The following SLC14A2 variants were observed in gnomAD, a reference collection of about 807,000 sequenced individuals.
The protein encoded by SLC14A2 is solute carrier family 14 member 2.
A neutral mutation model predicts 104.6 loss-of-function variants in SLC14A2; 91 were observed. The observed-to-expected ratio is 0.87, with a 90% CI of 0.73 to 1.04. The LOEUF is 1.04. SLC14A2 is among the 50% of genes least tolerant of loss of function. SLC14A2 has a pLI of 0.00. For missense variants in SLC14A2, 1,189 were observed against 1,156.0 expected, an observed-to-expected ratio of 1.03 and a Z score of -0.41; for synonymous variants, 476 against 466.4, an observed-to-expected ratio of 1.02 and a Z score of -0.27.
Position 45,513,081 on chromosome 18 carries a change from C to A in SLC14A2, c.-35+29759C>A, listed in dbSNP as rs140185707. The stretch of plus-strand genomic sequence containing the variant: ...CCCTATTCTGTGGCTGCACCACAGC[C>A]TCAGTGAAGCAGTATCCTGAGAGTT... On this transcript the variant is annotated intron_variant, in intron 2 of 20. Transcript: ENST00000586448. 4.6e-5 allele frequency among the ~76,000 whole-genome samples: 7 copies of A among 152,296 alleles called. No individual in the cohort carries two copies. The East Asian group carries it at 1.4e-3, about 29-fold the overall frequency.
the SLC14A2 span, among the ~76,000 whole-genome samples, chr18:45,192,530 C>T: frequency 3.3e-5 from 5 of 152,304 alleles, no homozygotes; most frequent in African/African-American, 7.2e-5. Context: ...TATATCCCCA[C>T]AGCAGTGTTT....
intron 2 of SLC14A2, among the ~76,000 whole-genome samples, chr18:45,538,475 A>T (rs764510815): frequency 6.6e-6 from 1 of 152,132 alleles, no homozygotes; most frequent in Non-Finnish European, 1.5e-5. Flanking sequence ...ATCCACTCCT[A>T]ATCTCATCAC....
chr18:45,540,300 G>A (rs886667217), intron 2 of SLC14A2, among the ~76,000 whole-genome samples: 4 of 152,066 alleles, frequency 2.6e-5, no homozygotes, highest in African/African-American at 9.7e-5. Context: ...CTCAGTTACT[G>A]GAGGACCTTC....
chr18:45,485,127 A>T (rs1166804136), intron 2 of SLC14A2: 3 of 152,200 alleles, frequency 2.0e-5, no homozygotes, highest in Non-Finnish European at 4.4e-5. Flanking sequence ...ATTCGCTATG[A>T]TCATATCTAT....
chr18:45,359,628 C>G (rs746407348), intron 1 of SLC14A2, among the ~76,000 whole-genome samples: 1 of 152,224 alleles, frequency 6.6e-6, no homozygotes, highest in Non-Finnish European at 1.5e-5. Context: ...TCACAGGCAT[C>G]TCAGAGCAGG....
intron 1 of SLC14A2, among the ~76,000 whole-genome samples, chr18:45,478,813 A>G (rs916377066): frequency 6.6e-6 from 1 of 152,170 alleles, no homozygotes; most frequent in Non-Finnish European, 1.5e-5. Flanking sequence ...GCCAAGACCA[A>G]TTAAAGTGGA....
the SLC14A2 span, among the ~76,000 whole-genome samples, chr18:45,168,041 CA>C: frequency 6.6e-6 from 1 of 152,164 alleles, no homozygotes; most frequent in Non-Finnish European, 1.5e-5. Context: ...GACAGAGAGC[CA>C]GTTTGTTAAA....
At chr18:45,341,640 G>A (rs559729282) in intron 1 of SLC14A2, among the ~76,000 whole-genome samples, 10 of 70,222 alleles carry the variant, frequency 1.4e-4, no homozygotes, top group Admixed American at 1.1e-3. Context: ...ACTTTTACTT[G>A]GCCACCTAGT....
At chr18:45,250,089 C>T (rs2144072909) in intron 1 of SLC14A2, among the ~76,000 whole-genome samples, 1 of 152,188 alleles carries the variant, frequency 6.6e-6, no homozygotes, top group South Asian at 2.1e-4. Context: ...AATGTGAACC[C>T]ACATGTGGAA....
chr18:45,218,355 A>C (rs2084029367), intron 1 of SLC14A2, among the ~76,000 whole-genome samples: 1 of 152,224 alleles, frequency 6.6e-6, no homozygotes, highest in Admixed American at 6.5e-5. Flanking sequence ...CTTCCTTTTC[A>C]AGGCTGAATA....
chr18:45,171,639 G>A, the SLC14A2 span, among the ~76,000 whole-genome samples: 884 of 152,202 alleles, frequency 5.8e-3, 7 homozygotes, highest in Non-Finnish European at 9.8e-3. Flanking sequence ...GATGAAAAAG[G>A]GACAGCCATA....
chr18:45,269,161 A>G (rs577783222), intron 1 of SLC14A2, among the ~76,000 whole-genome samples: 20 of 152,120 alleles, frequency 1.3e-4, no homozygotes, highest in South Asian at 4.2e-4. Flanking sequence ...CTCCCCTTTC[A>G]TTTTCACTGC....
At position 45,236,243 on chromosome 18, in the gene SLC14A2, G is replaced by GTGTGTATATATGTGTATATATACATGTA. The variant is rs1415115955; in HGVS notation, c.-125+23058_-125+23085dup. ...TATATATGTGTATATATACATATATGTGTGTATATATGTGTATATATACAT... is the reference window on the plus strand; with the variant it reads ...TATATATGTGTATATATACATATATGTGTGTATATATGTGTATATATACATGTATGTGTATATATGTGTATATATACAT... On this transcript the variant is annotated intron_variant, in intron 1 of 20. Coordinates refer to the SLC14A2 transcript ENST00000586448. 2.4e-4 allele frequency among the ~76,000 whole-genome samples: 11 copies of GTGTGTATATATGTGTATATATACATGTA among 45,602 alleles called. 2 individuals carry two copies. The highest frequency in any genetic ancestry group is 1.2e-3 in the African/African-American group (11 of 8,984). 29.9% of individuals were successfully genotyped at this position (45,602 alleles called of 152,430 possible).
Position 45,474,782 on chromosome 18 carries a change from G to A in SLC14A2, c.-124-8451G>A, listed in dbSNP as rs1487067226. On this transcript the variant is annotated intron_variant, in intron 1 of 20. Transcript: ENST00000586448. The stretch of plus-strand genomic sequence containing the variant: ...TTCTTCTCTCTTTTCTTCTTTATTG[G>A]TCTGGCTAGCAGTCTATCTATTTTG... 2.6e-5 allele frequency among the ~76,000 whole-genome samples: 4 copies of A among 151,578 alleles called. 1 individual carries two copies. Among genetic ancestry groups the A allele is most frequent in the South Asian group, 4.2e-4 (2 of 4,796 alleles).
intron 1 of SLC14A2, among the ~76,000 whole-genome samples, chr18:45,281,992 C>T (rs1342516343): frequency 6.6e-6 from 1 of 152,152 alleles, no homozygotes; most frequent in African/African-American, 2.4e-5. Flanking sequence ...TCCCATGAAG[C>T]TGATCTCCTA....
chr18:45,380,845 G>A (rs113179979), intron 1 of SLC14A2, among the ~76,000 whole-genome samples: 2 of 152,308 alleles, frequency 1.3e-5, no homozygotes, highest in African/African-American at 4.8e-5. Flanking sequence ...TTAACTACTT[G>A]TTGACCTTGA....
chr18:45,635,927 C>CA (rs1338362770), intron 5 of SLC14A2, among the ~76,000 whole-genome samples: 1 of 152,136 alleles, frequency 6.6e-6, no homozygotes, highest in Admixed American at 6.5e-5. Context: ...GTGAAAAAGA[C>CA]AGAGAGGCAG....
chr18:45,293,167 G>A (rs1015997419), intron 1 of SLC14A2, among the ~76,000 whole-genome samples: 3 of 152,146 alleles, frequency 2.0e-5, no homozygotes, highest in Non-Finnish European at 4.4e-5. Context: ...AGCAGAAAAT[G>A]TCCCATGGAG....
chr18:45,549,025 C>T (rs189591391), intron 2 of SLC14A2, among the ~76,000 whole-genome samples: 22 of 152,356 alleles, frequency 1.4e-4, no homozygotes, highest in African/African-American at 4.6e-4. Context: ...ATTAGTCTCA[C>T]AATATTGCCG....
Sources: gnomAD v4.1 joint callset for allele counts (sites outside exome capture counted in the v4.1 genomes callset) on GRCh38, gnomAD v4.1.1 for gene constraint, MANE v1.5 for transcripts, NCBI Gene and HGNC (gene_info 2026-07-23, HGNC 2026-07-21) for gene names.